The following ST6GALNAC1 variants were observed in gnomAD, a reference collection of about 807,000 sequenced individuals.
ST6GALNAC1 encodes alpha-N-acetylgalactosaminide alpha-2,6-sialyltransferase 1.
In ST6GALNAC1, 45 loss-of-function variants were observed where a neutral mutation model predicts 56.8. The observed-to-expected ratio is 0.79, with a 90% CI of 0.62 to 1.02. ST6GALNAC1 has a LOEUF of 1.02. Ranked by LOEUF, ST6GALNAC1 falls within the 50% of genes least tolerant of loss-of-function variation. The pLI, the probability that ST6GALNAC1 is intolerant of heterozygous loss-of-function variation, is 0.00. For synonymous variants in ST6GALNAC1, 295 were observed against 297.8 expected (o/e 0.99, Z 0.10); for missense variants, 743 against 754.8 (o/e 0.98, Z 0.18).
At chr17:76,620,661 C>T (rs138444323), downstream of ST6GALNAC1, among the ~76,000 whole-genome samples, 10 of 151,954 alleles carry the variant, frequency 6.6e-5, no homozygotes, top group Non-Finnish European at 1.2e-4. Flanking sequence ...CTGCAACCTC[C>T]GTCTCCCAGG....
At chr17:76,631,097 G>GCA (rs2075891234) in intron 1 of ST6GALNAC1, among the ~76,000 whole-genome samples, 1 of 133,674 alleles carries the variant, frequency 7.5e-6, no homozygotes, top group African/African-American at 2.7e-5. Context: ...GTGTGTGTGT[G>GCA]CACGCGTGCG....
chr17:76,628,382 A>T (rs1313316105), intron 2 of ST6GALNAC1, among the ~76,000 whole-genome samples: 3 of 151,360 alleles, frequency 2.0e-5, no homozygotes, highest in Non-Finnish European at 4.4e-5. Context: ...ACCTCAAGTG[A>T]TCCTCCCGCC....
At chr17:76,625,671 G>A (rs1274467480) in intron 8 of ST6GALNAC1, 144 bp from the exon 9 acceptor site, 6 of 1,135,284 alleles carry the variant, frequency 5.3e-6, no homozygotes, top group African/African-American at 3.1e-5. Flanking sequence ...GGATACGCAC[G>A]CATAACTGCA....
At chr17:76,620,294 T>A (rs1398178652), downstream of ST6GALNAC1, among the ~76,000 whole-genome samples, 2 of 150,822 alleles carry the variant, frequency 1.3e-5, no homozygotes, top group Middle Eastern at 3.6e-3. Flanking sequence ...CCTGCCTCGG[T>A]CTCCCAAAGT....
At chr17:76,628,696 A>G (rs1032296836) in intron 2 of ST6GALNAC1, among the ~76,000 whole-genome samples, 2 of 151,988 alleles carry the variant, frequency 1.3e-5, no homozygotes, top group Non-Finnish European at 2.9e-5. Context: ...AGTAGATCAC[A>G]CTCTGTCACC....
downstream of ST6GALNAC1, among the ~76,000 whole-genome samples, chr17:76,624,573 G>A (rs183318704): frequency 2.5e-3 from 377 of 152,284 alleles, 5 homozygotes; most frequent in East Asian, 7.9e-3. Context: ...TGTTAGGGTT[G>A]TTCCAGGCTC....
chr17:76,620,397 T>G (rs1466220277), downstream of ST6GALNAC1, among the ~76,000 whole-genome samples: 1 of 152,164 alleles, frequency 6.6e-6, no homozygotes, highest in African/African-American at 2.4e-5. Context: ...TTCCCCATCC[T>G]GTTGATTTCA....
downstream of ST6GALNAC1, among the ~76,000 whole-genome samples, chr17:76,622,588 C>A (rs1381863260): frequency 6.6e-6 from 1 of 152,150 alleles, no homozygotes. Context: ...TGGTCTCAAT[C>A]TCTTGACCTC....
chr17:76,627,251 T>TC lies in ST6GALNAC1; in HGVS notation c.1001-14_1001-13insG. The stretch of plus-strand genomic sequence containing the variant: ...ACCTTCTGCACCACTGGAACAAGAG[T>TC]GGGGGTGCTCCATTCAGAGCCCTGG... On this transcript the variant is annotated splice_polypyrimidine_tract_variant and intron_variant, in intron 3 of 8. Coordinates refer to ENST00000156626, the MANE Select transcript of ST6GALNAC1 (RefSeq NM_018414.5). This position sits in a 1 kb window ranked among gnomAD's most constrained non-coding sequence, Gnocchi z 4.4. 1 of 1,552,510 alleles carries TC rather than the reference T, an allele frequency of 6.4e-7. No homozygotes were observed. Among genetic ancestry groups the TC allele is most frequent in the Non-Finnish European group, 8.7e-7 (1 of 1,148,430 alleles).
chr17:76,630,891 T>A (rs895081819), intron 1 of ST6GALNAC1, among the ~76,000 whole-genome samples: 1 of 132,608 alleles, frequency 7.5e-6, no homozygotes, highest in African/African-American at 2.7e-5. Flanking sequence ...GCGCCCAATT[T>A]TTTTTTTTTT....
chr17:76,643,580 A>G lies in ST6GALNAC1; in HGVS notation c.59T>C (p.Leu20Pro), dbSNP rs753633127. 6.2e-7 allele frequency: 1 copy of G among 1,614,182 alleles called. No homozygotes were observed. Among genetic ancestry groups the G allele is most frequent in the East Asian group, 2.2e-5 (1 of 44,886 alleles). ...HLSQGVQWSL[L>P]LAVLVFFLFA... ...GAGAAAGAAGACCAGGACAGCCAGA[A>G]GCAAGGACCACTGGACGCCTTGGCT... Residue 20 changes from leucine to proline, a missense_variant, in exon 1 of 9, where the codon CTT becomes CCT. Physicochemically the swap from Leu to Pro is moderately conservative, Grantham distance 98 (BLOSUM62 -3). Coordinates refer to ENST00000156626, the MANE Select transcript of ST6GALNAC1 (RefSeq NM_018414.5).
chr17:76,624,465 G>A (rs2075770121), downstream of ST6GALNAC1, among the ~76,000 whole-genome samples: 1 of 152,054 alleles, frequency 6.6e-6, no homozygotes, highest in Non-Finnish European at 1.5e-5. Flanking sequence ...GGCCAGGCTG[G>A]TCTAGATCTC....
At position 76,625,833 on chromosome 17, in the gene ST6GALNAC1, G is replaced by T; in HGVS notation, c.1591C>A (p.Gln531Lys). 1 of 1,537,624 alleles carries T rather than the reference G, an allele frequency of 6.5e-7. No homozygotes were observed. The highest frequency in any genetic ancestry group is 2.2e-5 in the East Asian group (1 of 44,468). Residue 531 changes from glutamine to lysine, a missense_variant, in exon 8 of 9, where the codon CAG (glutamine) becomes AAG (lysine). Coordinates refer to ENST00000156626, the MANE Select transcript of ST6GALNAC1 (RefSeq NM_018414.5). ...TGALLLLTAL[Q>K]LCDQVSAYGF... ...TGGAGCCTTACCTGGTCACAGAGCT[G>T]AAGGGCAGTGAGCAGCAGGAGGGCC...
chr17:76,623,407 T>G (rs561679483), downstream of ST6GALNAC1, among the ~76,000 whole-genome samples: 146 of 152,340 alleles, frequency 9.6e-4, no homozygotes, highest in African/African-American at 3.2e-3. Context: ...TTTTGGCATT[T>G]TACTAGAATC....
downstream of ST6GALNAC1, among the ~76,000 whole-genome samples, chr17:76,619,984 T>C (rs562463433): frequency 2.2e-4 from 33 of 152,264 alleles, no homozygotes; most frequent in South Asian, 1.2e-3. Flanking sequence ...CCTCAGGTGA[T>C]CCGCCTGCCT....
chr17:76,628,763 C>T (rs559820355), intron 2 of ST6GALNAC1, among the ~76,000 whole-genome samples: 44 of 152,298 alleles, frequency 2.9e-4, no homozygotes, highest in African/African-American at 1.0e-3. Flanking sequence ...TCTCACTCAC[C>T]CCTCTTACGC....
intron 1 of ST6GALNAC1, among the ~76,000 whole-genome samples, chr17:76,633,301 G>A (rs1364891206): frequency 2.0e-5 from 3 of 151,478 alleles, no homozygotes; most frequent in Admixed American, 6.6e-5. Context: ...ACCTGAGGTC[G>A]GGAGTTCGAG....
chr17:76,621,943 C>CTTTTTTTTTTTTTTTTTT (rs71158041), downstream of ST6GALNAC1, among the ~76,000 whole-genome samples: 7 of 138,026 alleles, frequency 5.1e-5, no homozygotes, highest in East Asian at 2.1e-4. Flanking sequence ...TCTTTCTTTT[C>CTTTTTTTTTTTTTTTTTT]TTTTTTTTTT....
intron 1 of ST6GALNAC1, among the ~76,000 whole-genome samples, chr17:76,633,277 G>A (rs1356875852): frequency 1.3e-5 from 2 of 152,132 alleles, no homozygotes; most frequent in Admixed American, 6.5e-5. Context: ...TTGGGAGGCC[G>A]AGGTGGGTGG....
Sources: gnomAD v4.1 joint callset for allele counts (sites outside exome capture counted in the v4.1 genomes callset) on GRCh38, gnomAD v4.1.1 for gene constraint, Gnocchi (gnomAD v3.1) non-coding constraint, MANE v1.5 for transcripts, NCBI Gene and HGNC (gene_info 2026-07-23, HGNC 2026-07-21) for gene names.